Variants in SMYD3 observed in about 807,000 individuals in gnomAD.
SMYD3 encodes histone-lysine N-methyltransferase SMYD3.
SMYD3 carries 36 observed loss-of-function variants against 57.7 expected under a neutral mutation model. The observed-to-expected ratio is 0.62, with a 90% CI of 0.48 to 0.82. SMYD3 has a LOEUF of 0.82. Among genes scored for constraint, SMYD3 ranks in the 40% least tolerant of loss-of-function variants. SMYD3 has a pLI of 0.00. For synonymous variants in SMYD3, 211 were observed against 195.0 expected (o/e 1.08, Z -0.68); for missense variants, 515 against 538.8 (o/e 0.96, Z 0.44).
intron 5 of SMYD3, among the ~76,000 whole-genome samples, chr1:246,187,281 C>G (rs2062657282): frequency 7.4e-6 from 1 of 134,454 alleles, no homozygotes; most frequent in African/African-American, 3.0e-5. Flanking sequence ...GAGTGAGACT[C>G]TGTCTCAAAA....
chr1:246,236,965 G>A (rs373070298), intron 5 of SMYD3, among the ~76,000 whole-genome samples: 59 of 152,284 alleles, frequency 3.9e-4, no homozygotes, highest in African/African-American at 1.3e-3. Context: ...CCACCTTGCT[G>A]GGCTGTGCTG....
At chr1:246,481,621 T>TACACAC (rs1553354806) in intron 1 of SMYD3, among the ~76,000 whole-genome samples, 30 of 98,526 alleles carry the variant, frequency 3.0e-4, no homozygotes, top group African/African-American at 6.0e-4. Flanking sequence ...CATACATATA[T>TACACAC]ACATACATAC....
At chr1:245,882,692 T>G (rs931768072) in intron 8 of SMYD3, among the ~76,000 whole-genome samples, 4 of 152,162 alleles carry the variant, frequency 2.6e-5, no homozygotes, top group African/African-American at 9.7e-5. Context: ...GTTAATTACT[T>G]TTCTATGACA....
At chr1:245,952,443 A>G (rs10802303) in intron 5 of SMYD3, among the ~76,000 whole-genome samples, 101,277 of 152,064 alleles carry the variant, frequency 0.67, 37,494 homozygotes, top group Non-Finnish European at 0.83. Flanking sequence ...CAAGCATAGG[A>G]AAAAAAATGA....
At position 246,194,730 on chromosome 1, in the gene SMYD3, C is replaced by T. The variant is rs976616266; in HGVS notation, c.531+132471G>A. Among the ~76,000 whole-genome samples the T allele has an allele frequency of 6.6e-5, 10 of 152,188 alleles. No individual in the cohort carries two copies. In the South Asian group the frequency reaches 1.4e-3, roughly 22 times the overall value. On this transcript the variant is annotated intron_variant, in intron 5 of 11. Transcript: ENST00000490107. The stretch of plus-strand genomic sequence containing the variant: ...AATTCAATTCCTCAGTCACATTCAA[C>T]GCATTTCAAGTGTTTGATACATGAA...
chr1:246,176,774 C>A (rs989752576), intron 5 of SMYD3, among the ~76,000 whole-genome samples: 33 of 152,292 alleles, frequency 2.2e-4, no homozygotes, highest in African/African-American at 7.9e-4. Context: ...CTGCTCACCT[C>A]GGCCTCCCAA....
chr1:245,903,029 T>C (rs1477129148), intron 8 of SMYD3, among the ~76,000 whole-genome samples: 1 of 151,892 alleles, frequency 6.6e-6, no homozygotes, highest in Non-Finnish European at 1.5e-5. Context: ...TGAAACGAAA[T>C]GCAAAATAAT....
intron 5 of SMYD3, among the ~76,000 whole-genome samples, chr1:246,323,162 C>G (rs2065279086): frequency 6.6e-6 from 1 of 152,194 alleles, no homozygotes; most frequent in Non-Finnish European, 1.5e-5. Context: ...TCCTATGGCT[C>G]ATGTTACTCA....
chr1:246,026,594 T>C (rs1026557466), intron 5 of SMYD3, among the ~76,000 whole-genome samples: 4 of 152,234 alleles, frequency 2.6e-5, no homozygotes, highest in African/African-American at 9.6e-5. Context: ...TGCTTATCAG[T>C]GTTCTTTGAC....
chr1:246,386,815 G>A (rs570815994), intron 1 of SMYD3, among the ~76,000 whole-genome samples: 12 of 151,828 alleles, frequency 7.9e-5, no homozygotes, highest in East Asian at 7.8e-4. Flanking sequence ...CCCTCCCGCC[G>A]TGTATGATGT....
intron 1 of SMYD3, among the ~76,000 whole-genome samples, chr1:246,443,252 A>G (rs1326146171): frequency 6.6e-6 from 1 of 152,202 alleles, no homozygotes; most frequent in African/African-American, 2.4e-5. Context: ...TTTCAGTTTG[A>G]TCCTCAAACT....
intron 5 of SMYD3, among the ~76,000 whole-genome samples, chr1:246,200,660 A>G (rs2148361173): frequency 6.6e-6 from 1 of 152,362 alleles, no homozygotes; most frequent in Non-Finnish European, 1.5e-5. Context: ...GAATGTACAC[A>G]GACGCCCACT....
intron 8 of SMYD3, among the ~76,000 whole-genome samples, chr1:245,884,778 T>C (rs1251143978): frequency 7.7e-5 from 1 of 13,062 alleles, no homozygotes; most frequent in Non-Finnish European, 1.9e-4. Context: ...TGTGTCTAGC[T>C]AAAGGATTGT....
At chr1:246,285,980 T>A in intron 5 of SMYD3, among the ~76,000 whole-genome samples, 1 of 151,894 alleles carries the variant, frequency 6.6e-6, no homozygotes, top group South Asian at 2.1e-4. Flanking sequence ...CCAAAAAAAT[T>A]TAAAAAAAAT....
chr1:246,178,757 T>C (rs1331509277), intron 5 of SMYD3: 1 of 151,926 alleles, frequency 6.6e-6, no homozygotes, highest in Non-Finnish European at 1.5e-5. Flanking sequence ...TTCTGTGAGG[T>C]CTAAGTGCCA....
chr1:245,946,333 G>C (rs1298190939), intron 5 of SMYD3, among the ~76,000 whole-genome samples: 3 of 152,126 alleles, frequency 2.0e-5, no homozygotes, highest in Non-Finnish European at 4.4e-5. Context: ...CACCGCATGT[G>C]GAGGCCACCT....
intron 5 of SMYD3, among the ~76,000 whole-genome samples, chr1:245,973,673 C>G (rs1325216285): frequency 1.3e-5 from 2 of 152,154 alleles, no homozygotes; most frequent in Non-Finnish European, 2.9e-5. Flanking sequence ...GCTCTTGTAA[C>G]CAGACACTGT....
rs561114173 is a variant in SMYD3 at position 246,002,405 on chromosome 1, C to G, written c.532-72468G>C. ...TTCACCGTGTTAGCCAGGATGGTCTCGATCTCCTGACCTCGTGATCCACCC... is the reference window on the plus strand; with the variant it reads ...TTCACCGTGTTAGCCAGGATGGTCTGGATCTCCTGACCTCGTGATCCACCC... On this transcript the variant is annotated intron_variant, in intron 5 of 11. Transcript: ENST00000490107. Among the ~76,000 whole-genome samples, 13 of 52,874 alleles carry G rather than the reference C, an allele frequency of 2.5e-4. No individual in the cohort carries two copies. In the South Asian group the frequency reaches 9.6e-3, roughly 39 times the overall value. The allele number at this position is 52,874 out of a possible 152,430, so 34.7% of individuals were successfully genotyped here.
chr1:245,866,650 T>C (rs2051868388), intron 8 of SMYD3, among the ~76,000 whole-genome samples: 1 of 152,084 alleles, frequency 6.6e-6, no homozygotes, highest in South Asian at 2.1e-4. Context: ...GAGAATGGCT[T>C]GAACGTGGGA....
Sources: gnomAD v4.1 joint callset for allele counts (sites outside exome capture counted in the v4.1 genomes callset) on GRCh38, gnomAD v4.1.1 for gene constraint, MANE v1.5 for transcripts, NCBI Gene and HGNC (gene_info 2026-07-23, HGNC 2026-07-21) for gene names.